Variants in RSPH14 observed in about 807,000 individuals in gnomAD.
RSPH14 encodes rhabdoid tumor deletion region gene 1.
Under a neutral mutation model 26.7 loss-of-function variants are expected in RSPH14, and 20 were observed. The ratio of observed to expected loss-of-function variants is 0.75; its 90% confidence interval spans 0.53 to 1.09. The LOEUF is 1.09. Among genes scored for constraint, RSPH14 ranks in the 50% least tolerant of loss-of-function variants. The probability of loss-of-function intolerance (pLI) is 0.00; values close to 1 mark genes in which losing one functional copy is unlikely to be tolerated. For synonymous variants in RSPH14, 177 were observed against 189.3 expected (o/e 0.93, Z 0.53); for missense variants, 449 against 457.2 (o/e 0.98, Z 0.16).
the RSPH14 span, chr22:23,163,718 ACAGT>A: frequency 4.5e-4 from 68 of 151,874 alleles, no homozygotes; most frequent in Admixed American, 4.2e-3. Context: ...AGCTCTGCTA[ACAGT>A]CAGGACTATT....
chr22:23,115,048 G>A (rs184066990), intron 4 of RSPH14, among the ~76,000 whole-genome samples: 4 of 152,320 alleles, frequency 2.6e-5, no homozygotes, highest in Admixed American at 2.6e-4. Flanking sequence ...TTTTATGTGA[G>A]GTTTGAGGCC....
intron 4 of RSPH14, among the ~76,000 whole-genome samples, chr22:23,114,745 G>T (rs1318899129): frequency 1.3e-5 from 2 of 152,218 alleles, no homozygotes; most frequent in Non-Finnish European, 2.9e-5. Flanking sequence ...AGAACAGCTG[G>T]CAGAGCAGGA....
chr22:23,130,365 G>C (rs913267506), intron 4 of RSPH14, among the ~76,000 whole-genome samples: 4 of 151,588 alleles, frequency 2.6e-5, no homozygotes, highest in Admixed American at 2.0e-4. Flanking sequence ...TGAGGCAGGA[G>C]AATGGCATGA....
chr22:23,059,477 G>C lies in RSPH14; in HGVS notation c.1032C>G (p.Ile344Met). The change falls in exon 7 of 7, where the codon ATC becomes ATG. Residue 344 changes from isoleucine (I) to methionine (M), a missense_variant. Transcript: ENST00000216036. ...AATGAAGGGCTCAGGGTTTGAACTCGATGACACTGATGGCGATCCGGGCTG... is the reference window on the plus strand; with the variant it reads ...AATGAAGGGCTCAGGGTTTGAACTCCATGACACTGATGGCGATCCGGGCTG... ...QRAARIAISVIEFKP is the reference protein window; with the variant it reads ...QRAARIAISVMEFKP 6.2e-7 allele frequency: 1 copy of C among 1,609,904 alleles called. No individual in the cohort carries two copies. The highest frequency in any genetic ancestry group is 8.5e-7 in the Non-Finnish European group (1 of 1,177,202).
At chr22:23,126,607 C>T (rs2070188382) in intron 4 of RSPH14, among the ~76,000 whole-genome samples, 1 of 152,218 alleles carries the variant, frequency 6.6e-6, no homozygotes, top group Non-Finnish European at 1.5e-5. Context: ...AAACAATGCC[C>T]CATGGAGAAG....
At chr22:23,143,535 C>T (rs748498873), upstream of RSPH14, among the ~76,000 whole-genome samples, 50 of 151,908 alleles carry the variant, frequency 3.3e-4, no homozygotes, top group Non-Finnish European at 5.9e-4. Context: ...TAAGTTTATG[C>T]CCCTCATATT....
intron 4 of RSPH14, among the ~76,000 whole-genome samples, chr22:23,129,984 CAAAG>C (rs1229619404): frequency 1.1e-4 from 13 of 118,110 alleles, no homozygotes; most frequent in Admixed American, 2.8e-4. Context: ...GAGAAAGAGA[CAAAG>C]AGAGAAAGAG....
chr22:23,146,740 TC>T, upstream of RSPH14: 1 of 1,599,980 alleles, frequency 6.3e-7, no homozygotes. Flanking sequence ...ACATCAGCTC[TC>T]CCCACTCTAC....
chr22:23,061,972 G>A (rs2068106442), intron 5 of RSPH14, 27 bp from the exon 6 acceptor site: 2 of 1,612,902 alleles, frequency 1.2e-6, no homozygotes, highest in South Asian at 1.1e-5. Context: ...ACAGAGAGGG[G>A]CTCTGCTTGG....
the RSPH14 span, among the ~76,000 whole-genome samples, chr22:23,155,464 C>T: frequency 1.3e-5 from 2 of 152,196 alleles, no homozygotes; most frequent in African/African-American, 2.4e-5. Flanking sequence ...CCACCTATTG[C>T]TCCAGTGTTA....
chr22:23,114,386 GC>G (rs1015904560), intron 4 of RSPH14, among the ~76,000 whole-genome samples: 4 of 152,180 alleles, frequency 2.6e-5, no homozygotes, highest in African/African-American at 9.7e-5. Flanking sequence ...GGACAGACCG[GC>G]CCCGGCCCCA....
At chr22:23,135,301 G>A (rs904938645) in intron 3 of RSPH14, among the ~76,000 whole-genome samples, 5 of 116,216 alleles carry the variant, frequency 4.3e-5, no homozygotes, top group East Asian at 4.8e-4. Flanking sequence ...GTGAAACCCC[G>A]CCTGTACTAA....
intron 4 of RSPH14, among the ~76,000 whole-genome samples, chr22:23,066,567 C>T (rs771465473): frequency 6.6e-6 from 1 of 152,166 alleles, no homozygotes; most frequent in South Asian, 2.1e-4. Context: ...AAATAAAACG[C>T]GTGCCGGGTG....
chr22:23,164,694 A>G, the RSPH14 span, among the ~76,000 whole-genome samples: 7 of 152,208 alleles, frequency 4.6e-5, no homozygotes, highest in Admixed American at 6.5e-5. Flanking sequence ...ACCGCGTCCA[A>G]GTGCTGCCGA....
At chr22:23,090,714 C>T (rs1008237685) in intron 4 of RSPH14, among the ~76,000 whole-genome samples, 1 of 152,182 alleles carries the variant, frequency 6.6e-6, no homozygotes, top group Admixed American at 6.5e-5. Context: ...GAGGCCAGCC[C>T]CACCCACCTT....
At chr22:23,175,940 C>T in the RSPH14 span, among the ~76,000 whole-genome samples, 2 of 152,250 alleles carry the variant, frequency 1.3e-5, no homozygotes, top group Admixed American at 1.3e-4. Flanking sequence ...ATCTCCCTGG[C>T]CAGTCCCTTC....
At chr22:23,123,350 C>T (rs375458913) in intron 4 of RSPH14, 194 of 1,613,932 alleles carry the variant, frequency 1.2e-4, no homozygotes, top group Middle Eastern at 4.9e-4. Flanking sequence ...GCGCCACCGA[C>T]ACCAGTAACA....
intron 4 of RSPH14, among the ~76,000 whole-genome samples, chr22:23,099,417 C>T (rs1432708405): frequency 6.6e-6 from 1 of 152,266 alleles, no homozygotes; most frequent in East Asian, 1.9e-4. Flanking sequence ...ACCCCAGTGC[C>T]CCCAAGCCCA....
chr22:23,102,715 AC>A (rs1218980722), intron 4 of RSPH14, among the ~76,000 whole-genome samples: 1 of 152,050 alleles, frequency 6.6e-6, no homozygotes, highest in Non-Finnish European at 1.5e-5. Flanking sequence ...CATGATGGTC[AC>A]CTCCTGCTGT....
Sources: allele counts gnomAD v4.1 joint callset (sites outside exome capture counted in the v4.1 genomes callset), GRCh38; gene constraint gnomAD v4.1.1; transcripts MANE v1.5; gene names NCBI Gene and HGNC (gene_info 2026-07-23, HGNC 2026-07-21).